The following CUL9 variants were observed in gnomAD, a reference collection of about 807,000 sequenced individuals.
The protein encoded by CUL9 is cullin 9.
In CUL9, 79 loss-of-function variants were observed where a neutral mutation model predicts 272.6. The observed-to-expected ratio is 0.29, with a 90% CI of 0.24 to 0.35. The LOEUF is 0.35. Ranked by LOEUF, CUL9 falls within the 10% of genes least tolerant of loss-of-function variation. The probability of loss-of-function intolerance (pLI) is 1.00; values close to 1 mark genes in which losing one functional copy is unlikely to be tolerated. For missense variants in CUL9, 2,532 were observed against 3,255.6 expected (o/e 0.78, Z 5.41); for synonymous variants, 1,186 against 1,286.5 (o/e 0.92, Z 1.67).
Position 43,196,758 on chromosome 6 carries a change from A to T in CUL9, c.2699A>T (p.His900Leu). The stretch of plus-strand genomic sequence containing the variant: ...GAGCTGAGAGACACGTTGTTTAGGC[A>T]CTCAGGGATAGCACCAAGAACAGAA... ...TQELRDTLFR[H>L]SGIAPRTEPM... Residue 900 changes from histidine to leucine, a missense_variant, in exon 11 of 41, where the codon CAC (histidine) becomes CTC (leucine). Physicochemically the swap from His to Leu is moderately conservative, Grantham distance 99. Transcript: ENST00000252050. 6.2e-7 allele frequency: 1 copy of T among 1,614,134 alleles called. No homozygotes were observed. Among genetic ancestry groups the T allele is most frequent in the Non-Finnish European group, 8.5e-7 (1 of 1,180,002 alleles).
Position 43,221,542 on chromosome 6 carries a change from C to T in CUL9, c.6753-143C>T, listed in dbSNP as rs1562064328. The T allele has an allele frequency of 2.3e-6, 2 of 883,490 alleles. No individual in the cohort carries two copies. Among genetic ancestry groups the T allele is most frequent in the East Asian group, 2.6e-5 (1 of 37,854 alleles). The allele number at this position is 883,490 out of a possible 1,614,324, so 54.7% of individuals were successfully genotyped here. On this transcript the variant is annotated intron_variant, in intron 34 of 40. Transcript: ENST00000252050. The surrounding 1 kb of genome is among the most constrained non-coding windows in gnomAD (Gnocchi z 4.2). ...GGGAGTTCAAAAGCAGAGGTGCATT[C>T]AGCAGGGCTGGGTATGACTAAGGAG...
intron 1 of CUL9, among the ~76,000 whole-genome samples, 161 bp downstream of exon 1, chr6:43,182,410 T>C (rs1772470181): frequency 6.8e-6 from 1 of 147,266 alleles, no homozygotes; most frequent in African/African-American, 2.5e-5. Flanking sequence ...CAACCATCCT[T>C]CCCCCTCCCC....
chr6:43,205,130 C>T lies in CUL9; in HGVS notation c.4632+15C>T. 6.3e-7 allele frequency: 1 copy of T among 1,575,564 alleles called. No homozygotes were observed. The highest frequency in any genetic ancestry group is 2.3e-5 in the East Asian group (1 of 44,368). On this transcript the variant is annotated intron_variant, in intron 23 of 40. Transcript: ENST00000252050. The stretch of plus-strand genomic sequence containing the variant: ...CTGCTGCTCACGTGAGTCCCACCAG[C>T]TCCCCACAGGGCTATAAGCTTGTGT...
At chr6:43,219,702 G>A (rs1416523037) in intron 31 of CUL9, among the ~76,000 whole-genome samples, 1 of 152,152 alleles carries the variant, frequency 6.6e-6, no homozygotes, top group Admixed American at 6.5e-5. Context: ...GTGAGAGGCA[G>A]GGGTCACTCA....
Position 43,222,299 on chromosome 6 carries a change from C to A in CUL9, c.6847-17C>A. 2 of 1,612,400 alleles carry A rather than the reference C, an allele frequency of 1.2e-6. No individual in the cohort carries two copies. Among genetic ancestry groups the A allele is most frequent in the Non-Finnish European group, 8.5e-7 (1 of 1,178,394 alleles). On this transcript the variant is annotated splice_polypyrimidine_tract_variant and intron_variant, in intron 35 of 40. Transcript: ENST00000252050. ...CAAACAAAACACCCAATAGCCCTCC[C>A]AACGTATCCTTGCTAGGTAAGCAAG...
Position 43,188,009 on chromosome 6 carries a change from C to A in CUL9, c.1878C>A (p.Thr626=). 1 of 1,613,916 alleles carries A rather than the reference C, an allele frequency of 6.2e-7. No homozygotes were observed. Among genetic ancestry groups the A allele is most frequent in the Non-Finnish European group, 8.5e-7 (1 of 1,180,018 alleles). Residue 626 remains threonine, a synonymous_variant, in exon 7 of 41, where the codon ACC becomes ACA. Coordinates refer to ENST00000252050, the MANE Select transcript of CUL9 (RefSeq NM_015089.4). ...CCCCTAAGACAGAGGCCGAGCCCAC[C>A]AAGACAAGGACCGAGACCCCCATGG... The part of the protein sequence containing the change: ...AEAPKTEAEP[T]KTRTETPMAQ...
intron 11 of CUL9, among the ~76,000 whole-genome samples, chr6:43,197,300 C>T (rs1480117957): frequency 1.3e-5 from 2 of 151,822 alleles, no homozygotes; most frequent in African/African-American, 4.9e-5. Flanking sequence ...ACTGCCTCGG[C>T]CTCCCAAAGT....
intron 8 of CUL9, among the ~76,000 whole-genome samples, chr6:43,191,292 G>A (rs1773453396): frequency 7.0e-6 from 1 of 142,302 alleles, no homozygotes; most frequent in South Asian, 2.2e-4. Flanking sequence ...GTGTGTGTGT[G>A]CGTGTTGTTT....
Position 43,187,835 on chromosome 6 carries a change from C to T in CUL9, c.1704C>T (p.Ile568=), listed in dbSNP as rs1773069114. The change falls in exon 7 of 41, where the codon ATC becomes ATT. Residue 568 remains isoleucine, a synonymous_variant. Coordinates refer to ENST00000252050, the MANE Select transcript of CUL9 (RefSeq NM_015089.4). ...STLNDLLNSQ[I]YTKYGLLSNE... ...TCAATGACCTGCTCAACTCCCAGATCTACACCAAGTATGGGCTGCTGTCTA... is the reference window on the plus strand; with the variant it reads ...TCAATGACCTGCTCAACTCCCAGATTTACACCAAGTATGGGCTGCTGTCTA... 1 of 1,614,060 alleles carries T rather than the reference C, an allele frequency of 6.2e-7. No homozygotes were observed. Among genetic ancestry groups the T allele is most frequent in the Non-Finnish European group, 8.5e-7 (1 of 1,180,002 alleles).
At chr6:43,197,756 A>G (rs1163917882) in intron 11 of CUL9, among the ~76,000 whole-genome samples, 3 of 152,154 alleles carry the variant, frequency 2.0e-5, no homozygotes, top group Non-Finnish European at 2.9e-5. Flanking sequence ...TGCTGGGATT[A>G]GAGGCGTGAG....
In CUL9 at chr6:43,216,521, T is replaced by G. The variant is rs1039263101; in HGVS notation, c.6282+18T>G. On this transcript the variant is annotated intron_variant, in intron 31 of 40. Transcript: ENST00000252050. ...GCTGTAAGGTGAGGCCCCACCAGCA[T>G]TGCTCCTGCCCCTGGCTTTCTGCCC... 6.4e-7 allele frequency: 1 copy of G among 1,563,862 alleles called. No homozygotes were observed. The highest frequency in any genetic ancestry group is 1.4e-5 in the African/African-American group (1 of 73,988).
rs751133429 is a variant in CUL9 at position 43,200,850 on chromosome 6, T to C, written c.3647+16T>C. On this transcript the variant is annotated intron_variant, in intron 16 of 40. Transcript: ENST00000252050. The surrounding 1 kb of genome is among the most constrained non-coding windows in gnomAD (Gnocchi z 4.0). ...TTCTTGTTAGGTGTGAACACACATATATGAATGTTCTGCTGTGCCCCAGGA... is the reference window on the plus strand; with the variant it reads ...TTCTTGTTAGGTGTGAACACACATACATGAATGTTCTGCTGTGCCCCAGGA... 2.5e-6 allele frequency: 4 copies of C among 1,613,760 alleles called. No individual in the cohort carries two copies. The highest frequency in any genetic ancestry group is 1.1e-5 in the South Asian group (1 of 91,076).
chr6:43,207,174 T>C (rs1472449890), intron 26 of CUL9, among the ~76,000 whole-genome samples: 1 of 152,150 alleles, frequency 6.6e-6, no homozygotes, highest in Non-Finnish European at 1.5e-5. Flanking sequence ...CACGTCTTAA[T>C]TATAAGGCTT....
In CUL9 at chr6:43,205,063, G is replaced by T. The variant is rs371127607; in HGVS notation, c.4580G>T (p.Arg1527Leu). The change falls in exon 23 of 41, where the codon CGC becomes CTC. Residue 1527 changes from arginine (R) to leucine (L), a missense_variant. By Grantham distance (102) the Arg-to-Leu change is moderately radical. Transcript: ENST00000252050. ...GPRAAFMLAL[R>L]SGFSGALLQQ... Reference sequence around the variant, plus strand: ...CGGGCAGCCTTCATGCTGGCTCTGCGCAGTGGCTTCTCTGGCGCCTTGCTG... The same window carrying T: ...CGGGCAGCCTTCATGCTGGCTCTGCTCAGTGGCTTCTCTGGCGCCTTGCTG... 2 of 1,609,038 alleles carry T rather than the reference G, an allele frequency of 1.2e-6. No individual in the cohort carries two copies. Among genetic ancestry groups the T allele is most frequent in the Middle Eastern group, 1.7e-4 (1 of 6,046 alleles).
In CUL9 at chr6:43,221,199, C is replaced by T. The variant is rs182823976; in HGVS notation, c.6630C>T (p.Val2210=). 71 of 1,611,252 alleles carry T rather than the reference C, an allele frequency of 4.4e-5. No individual in the cohort carries two copies. In the Admixed American group the frequency reaches 9.8e-4, roughly 22 times the overall value. ...GCTGTGGCCATATGTCTCAGTGGGT[C>T]GACGACGGTGGCTACTATGACGGCA... is the stretch of plus-strand genomic sequence containing the variant. ...PASCGHMSQW[V]DDGGYYDGMS... The change falls in exon 34 of 41, where the codon GTC becomes GTT. Residue 2210 remains valine, a synonymous_variant. Coordinates refer to ENST00000252050, the MANE Select transcript of CUL9 (RefSeq NM_015089.4). The surrounding 1 kb of genome is among the most constrained non-coding windows in gnomAD (Gnocchi z 4.2).
In CUL9 at chr6:43,220,937, C is replaced by G; in HGVS notation, c.6588+26C>G. On this transcript the variant is annotated intron_variant, in intron 33 of 40. Coordinates refer to ENST00000252050, the MANE Select transcript of CUL9 (RefSeq NM_015089.4). This position sits in a 1 kb window ranked among gnomAD's most constrained non-coding sequence, Gnocchi z 4.9. ...GTGGGAGCCCCACACTGGCCCTGAC[C>G]CTGAGCAAGGATTCACACTCCTTCC... 1 of 1,583,132 alleles carries G rather than the reference C, an allele frequency of 6.3e-7. No homozygotes were observed. Among genetic ancestry groups the G allele is most frequent in the East Asian group, 2.3e-5 (1 of 43,500 alleles).
chr6:43,187,375 T>C lies in CUL9; in HGVS notation c.1517T>C (p.Ile506Thr). Residue 506 changes from isoleucine (I) to threonine (T), a missense_variant, in exon 6 of 41, where the codon ATC becomes ACC. Coordinates refer to ENST00000252050, the MANE Select transcript of CUL9 (RefSeq NM_015089.4). ...QAEWWELLFF[I>T]KKLDLCEQQP... ...GAATGGTGGGAGCTGCTTTTCTTTA[T>C]CAAAAAGTTGGACTTGTGTGAGCAG... The C allele has an allele frequency of 6.2e-7, 1 of 1,614,114 alleles. No individual in the cohort carries two copies. The highest frequency in any genetic ancestry group is 8.5e-7 in the Non-Finnish European group (1 of 1,179,998).
In CUL9 at chr6:43,220,831, C is replaced by T. The variant is rs1480955524; in HGVS notation, c.6508C>T (p.Leu2170=). The T allele has an allele frequency of 6.2e-7, 1 of 1,613,724 alleles. No individual in the cohort carries two copies. The highest frequency in any genetic ancestry group is 1.1e-5 in the South Asian group (1 of 91,084). Residue 2170 remains leucine, a synonymous_variant, in exon 33 of 41, where the codon CTG becomes TTG. Transcript: ENST00000252050. This position sits in a 1 kb window ranked among gnomAD's most constrained non-coding sequence, Gnocchi z 4.9. Reference sequence around the variant, plus strand: ...CAACCCCCAGGGCTGCGACCGCATCCTGTGCCGCCAGGGCCTGGGCTGTGG... The same window carrying T: ...CAACCCCCAGGGCTGCGACCGCATCTTGTGCCGCCAGGGCCTGGGCTGTGG... The part of the protein sequence containing the change: ...CTNPQGCDRI[L]CRQGLGCGTT...
At chr6:43,214,543 G>A (rs892414975) in intron 29 of CUL9, among the ~76,000 whole-genome samples, 4 of 152,202 alleles carry the variant, frequency 2.6e-5, no homozygotes, top group Non-Finnish European at 1.5e-5. Flanking sequence ...GCTCATGCCT[G>A]TAATCCTAGC....
Sources: allele counts gnomAD v4.1 joint callset (sites outside exome capture counted in the v4.1 genomes callset), GRCh38; gene constraint gnomAD v4.1.1; non-coding constraint Gnocchi (gnomAD v3.1); transcripts MANE v1.5; gene names NCBI Gene and HGNC (gene_info 2026-07-23, HGNC 2026-07-21).